The following SMYD3 variants were observed in gnomAD, a reference collection of about 807,000 sequenced individuals.
SMYD3 encodes the protein SET and MYND domain containing 3, also known as histone-lysine N-methyltransferase SMYD3.
Under a neutral mutation model 57.7 loss-of-function variants are expected in SMYD3, and 36 were observed. The observed-to-expected ratio is 0.62, with a 90% CI of 0.48 to 0.82. SMYD3 has a LOEUF of 0.82. Among genes scored for constraint, SMYD3 ranks in the 40% least tolerant of loss-of-function variants. The pLI, the probability that SMYD3 is intolerant of heterozygous loss-of-function variation, is 0.00. For missense variants in SMYD3, 515 were observed against 538.8 expected (o/e 0.96, Z 0.44); for synonymous variants, 211 against 195.0 (o/e 1.08, Z -0.68).
intron 1 of SMYD3, among the ~76,000 whole-genome samples, chr1:246,464,438 G>A (rs1253910334): frequency 6.6e-6 from 1 of 152,052 alleles, no homozygotes; most frequent in Admixed American, 6.5e-5. Flanking sequence ...GCTCACTTCA[G>A]CCCAGGAGGC....
At chr1:245,899,265 G>A (rs2054029802) in intron 8 of SMYD3, among the ~76,000 whole-genome samples, 1 of 151,424 alleles carries the variant, frequency 6.6e-6, no homozygotes, top group South Asian at 2.1e-4. Flanking sequence ...TTTTTTTTGA[G>A]GCAAATTGAT....
intron 1 of SMYD3, among the ~76,000 whole-genome samples, chr1:246,358,995 CA>C (rs113306569): frequency 6.6e-6 from 1 of 150,962 alleles, no homozygotes; most frequent in African/African-American, 2.4e-5. Context: ...TTGAAACAAA[CA>C]AAAAAAATGC....
At chr1:246,433,951 A>G (rs1299199399) in intron 1 of SMYD3, among the ~76,000 whole-genome samples, 2 of 152,206 alleles carry the variant, frequency 1.3e-5, no homozygotes, top group African/African-American at 2.4e-5. Flanking sequence ...AGTACAGAGA[A>G]CCCAGAAATA....
At chr1:245,809,195 T>C (rs2048331611) in intron 10 of SMYD3, among the ~76,000 whole-genome samples, 1 of 152,220 alleles carries the variant, frequency 6.6e-6, no homozygotes, top group South Asian at 2.1e-4. Flanking sequence ...TTATTAGTGA[T>C]CATTTGGTAA....
At chr1:245,773,531 G>A (rs1369892651) in intron 10 of SMYD3, among the ~76,000 whole-genome samples, 1 of 152,164 alleles carries the variant, frequency 6.6e-6, no homozygotes, top group Non-Finnish European at 1.5e-5. Flanking sequence ...TCAGTGTGGC[G>A]CAGGGGTGAG....
At chr1:245,922,161 A>C (rs1289338292) in intron 7 of SMYD3, among the ~76,000 whole-genome samples, 17 of 152,192 alleles carry the variant, frequency 1.1e-4, no homozygotes, top group Admixed American at 3.3e-4. Context: ...ATTGAATATA[A>C]TTTAATAAAA....
chr1:245,817,213 C>T (rs1011001589), intron 10 of SMYD3, among the ~76,000 whole-genome samples: 2 of 146,792 alleles, frequency 1.4e-5, no homozygotes, highest in East Asian at 4.0e-4. Context: ...AACGGGCAGA[C>T]TGCCTCCTCA....
intron 5 of SMYD3, among the ~76,000 whole-genome samples, chr1:246,062,104 G>T (rs1378799609): frequency 6.6e-6 from 1 of 152,104 alleles, no homozygotes; most frequent in African/African-American, 2.4e-5. Context: ...AATCCCACAG[G>T]TTAAATGAAG....
intron 1 of SMYD3, among the ~76,000 whole-genome samples, chr1:246,434,512 G>A (rs1250121422): frequency 6.6e-6 from 1 of 152,146 alleles, no homozygotes; most frequent in Non-Finnish European, 1.5e-5. Flanking sequence ...CTTCTCAAAT[G>A]AAGACACACA....
intron 8 of SMYD3, among the ~76,000 whole-genome samples, chr1:245,910,696 T>C (rs146717523): frequency 3.1e-4 from 47 of 152,112 alleles, no homozygotes; most frequent in Middle Eastern, 3.4e-3. Context: ...AGATAGCCCA[T>C]ATGCAAAAGA....
intron 5 of SMYD3, among the ~76,000 whole-genome samples, chr1:246,171,516 CT>C (rs779047600): frequency 2.0e-5 from 3 of 152,214 alleles, no homozygotes; most frequent in Non-Finnish European, 4.4e-5. Context: ...TGATTTTGTC[CT>C]TGTGTCAACA....
chr1:246,432,710 T>C (rs1209741898), intron 1 of SMYD3, among the ~76,000 whole-genome samples: 1 of 152,226 alleles, frequency 6.6e-6, no homozygotes, highest in Non-Finnish European at 1.5e-5. Context: ...AGCATATTCC[T>C]ACTCTAAAGG....
intron 1 of SMYD3, among the ~76,000 whole-genome samples, chr1:246,489,206 C>T (rs1325818562): frequency 1.3e-5 from 2 of 151,930 alleles, no homozygotes; most frequent in Non-Finnish European, 1.5e-5. Context: ...ATTAGCCGGG[C>T]GTGGTGGCGG....
At chr1:245,913,990 T>TG (rs2055210870) in intron 8 of SMYD3, among the ~76,000 whole-genome samples, 1 of 152,086 alleles carries the variant, frequency 6.6e-6, no homozygotes, top group South Asian at 2.1e-4. Flanking sequence ...GGCAAGGATG[T>TG]GGGGAAAACA....
At chr1:246,108,137 G>A (rs1405775860) in intron 5 of SMYD3, among the ~76,000 whole-genome samples, 3 of 152,138 alleles carry the variant, frequency 2.0e-5, no homozygotes, top group Admixed American at 6.5e-5. Flanking sequence ...GGAAGAATTC[G>A]AAAGAGGAAT....
chr1:245,889,670 T>C (rs1438232723), intron 8 of SMYD3, among the ~76,000 whole-genome samples: 1 of 152,194 alleles, frequency 6.6e-6, no homozygotes, highest in Non-Finnish European at 1.5e-5. Flanking sequence ...TGGCAAATTC[T>C]GAAAGAGGCA....
intron 5 of SMYD3, among the ~76,000 whole-genome samples, chr1:246,126,609 C>A (rs952248880): frequency 6.6e-6 from 1 of 152,196 alleles, no homozygotes; most frequent in Non-Finnish European, 1.5e-5. Flanking sequence ...AACCAGGCAT[C>A]AATCTACATA....
At chr1:246,363,492 G>A (rs989662260) in intron 1 of SMYD3, among the ~76,000 whole-genome samples, 1 of 152,178 alleles carries the variant, frequency 6.6e-6, no homozygotes, top group Admixed American at 6.5e-5. Flanking sequence ...GGGAAAGGTG[G>A]GGAAAAAACT....
At chr1:246,199,100 T>G (rs886390742) in intron 5 of SMYD3, among the ~76,000 whole-genome samples, 7 of 151,246 alleles carry the variant, frequency 4.6e-5, no homozygotes, top group Non-Finnish European at 1.0e-4. Context: ...CAATGGGTAG[T>G]TTTTCAGCCC....
Sources: gnomAD v4.1 joint callset for allele counts (sites outside exome capture counted in the v4.1 genomes callset) on GRCh38, gnomAD v4.1.1 for gene constraint, MANE v1.5 for transcripts, NCBI Gene and HGNC (gene_info 2026-07-23, HGNC 2026-07-21) for gene names.